CSRP2: variants seen among roughly 807,000 people sequenced by gnomAD.
CSRP2 encodes the protein cysteine and glycine rich protein 2, also known as cysteine and glycine-rich protein 2.
In CSRP2, 18 loss-of-function variants were observed where a neutral mutation model predicts 24.6. The ratio of observed to expected loss-of-function variants is 0.73; its 90% CI spans 0.51 to 1.09. CSRP2 has a LOEUF of 1.09. Among genes scored for constraint, CSRP2 ranks in the 50% least tolerant of loss-of-function variants. CSRP2 has a pLI of 0.00. For synonymous variants in CSRP2, 87 were observed against 84.3 expected (o/e 1.03, Z -0.18); for missense variants, 215 against 239.4 (o/e 0.90, Z 0.67).
chr12:76,877,430 C>G (rs1168846320), intron 1 of CSRP2, among the ~76,000 whole-genome samples: 2 of 152,186 alleles, frequency 1.3e-5, no homozygotes, highest in East Asian at 3.8e-4. Context: ...AACTTTAGAT[C>G]AAATCTGCAA....
chr12:76,864,116 G>A (rs1953711132), intron 2 of CSRP2: 1 of 152,152 alleles, frequency 6.6e-6, no homozygotes, highest in South Asian at 2.1e-4. Flanking sequence ...ATTTCCACGT[G>A]TCCCACTTCA....
intron 1 of CSRP2, among the ~76,000 whole-genome samples, chr12:76,868,132 G>A (rs1348196253): frequency 6.6e-6 from 1 of 152,110 alleles, no homozygotes; most frequent in African/African-American, 2.4e-5. Flanking sequence ...CACTATTCTT[G>A]TTACCAATTT....
At chr12:76,875,224 T>C (rs573600690) in intron 1 of CSRP2, among the ~76,000 whole-genome samples, 91 of 152,294 alleles carry the variant, frequency 6.0e-4, no homozygotes, top group African/African-American at 2.1e-3. Context: ...CCCAAACTGC[T>C]ACTTTCAACC....
rs908302782 is a variant in CSRP2, at chr12:76,862,989, A to C, written c.281+187T>G. 1.9e-5 allele frequency: 27 copies of C among 1,450,050 alleles called. No homozygotes were observed. In the African/African-American group the frequency reaches 3.4e-4, roughly 18 times the overall value. The allele number at this position is 1,450,050 out of a possible 1,614,324, so 89.8% of individuals were successfully genotyped here. On this transcript the variant is annotated intron_variant, in intron 3 of 5. Transcript: ENST00000311083. ...AAAGCCAGAAGTAGAAATCACTGGAATTATTAATAAGAACTTTGTTAGGTC... is the reference window on the plus strand; with the variant it reads ...AAAGCCAGAAGTAGAAATCACTGGACTTATTAATAAGAACTTTGTTAGGTC...
chr12:76,860,384 G>A lies in CSRP2; in HGVS notation c.311C>T (p.Pro104Leu). 2 of 1,613,904 alleles carry A rather than the reference G, an allele frequency of 1.2e-6. No homozygotes were observed. ...SVQPHRPTTN[P>L]NTSKFAQKYG... Reference sequence around the variant, plus strand: ...TTTCTGAGCAAATTTAGAAGTGTTTGGATTTGTTGTAGGCCTGTGAGGCTG... The same window carrying A: ...TTTCTGAGCAAATTTAGAAGTGTTTAGATTTGTTGTAGGCCTGTGAGGCTG... The change falls in exon 4 of 6, where the codon CCA becomes CTA. Residue 104 changes from proline (P) to leucine (L), a missense_variant. Coordinates refer to ENST00000311083, the MANE Select transcript of CSRP2 (RefSeq NM_001321.3).
chr12:76,864,257 A>G (rs1020939580), intron 2 of CSRP2: 1 of 152,236 alleles, frequency 6.6e-6, no homozygotes, highest in Non-Finnish European at 1.5e-5. Flanking sequence ...GAAATCAAAG[A>G]TCAGAATTTC....
intron 1 of CSRP2, among the ~76,000 whole-genome samples, chr12:76,870,529 C>T (rs548944016): frequency 5.0e-4 from 76 of 152,214 alleles, no homozygotes; most frequent in African/African-American, 1.7e-3. Flanking sequence ...TGGTGGGGAC[C>T]ACATCTCTGT....
At chr12:76,874,197 C>G (rs1351164583) in intron 1 of CSRP2, among the ~76,000 whole-genome samples, 1 of 152,172 alleles carries the variant, frequency 6.6e-6, no homozygotes, top group Non-Finnish European at 1.5e-5. Flanking sequence ...CCTGGAACTA[C>G]GTTGAGAAAG....
intron 2 of CSRP2, 86 bp from the exon 3 acceptor site, chr12:76,863,430 A>ATTTGTAGGCC: frequency 7.3e-7 from 1 of 1,361,376 alleles, no homozygotes; most frequent in Non-Finnish European, 1.0e-6. Context: ...ATGGCCTACA[A>ATTTGTAGGCC]ATGGTGAAGG....
chr12:76,860,121 C>G (rs1219236821), intron 4 of CSRP2, among the ~76,000 whole-genome samples, 163 bp downstream of exon 4: 1 of 152,014 alleles, frequency 6.6e-6, no homozygotes, highest in Non-Finnish European at 1.5e-5. Flanking sequence ...AAGGGAATCA[C>G]TTCAAAAAAG....
intron 3 of CSRP2, chr12:76,862,557 A>G (rs969881414): frequency 1.7e-5 from 6 of 343,350 alleles, no homozygotes; most frequent in African/African-American, 1.1e-4. Context: ...GAAAAAAAAA[A>G]GTGTGTGGGG....
intron 1 of CSRP2, among the ~76,000 whole-genome samples, chr12:76,872,322 T>C (rs753203008): frequency 6.6e-6 from 1 of 152,226 alleles, no homozygotes; most frequent in Non-Finnish European, 1.5e-5. Flanking sequence ...ATGGTACAGT[T>C]AGCTCACTCT....
intron 1 of CSRP2, among the ~76,000 whole-genome samples, chr12:76,874,277 G>A (rs960865027): frequency 9.2e-5 from 14 of 152,276 alleles, no homozygotes; most frequent in African/African-American, 1.2e-4. Flanking sequence ...TGGAAATACC[G>A]CAGTACACAT....
At position 76,871,850 on chromosome 12, in the gene CSRP2, A is replaced by C. The variant is rs188818729; in HGVS notation, c.-1-5589T>G. On this transcript the variant is annotated intron_variant, in intron 1 of 5. Transcript: ENST00000311083. ...ATGGACATTTCCTGAATTTGGCTGG[A>C]AGAAGTATGATGATCTTCCATTTCT... 8.1e-3 allele frequency among the ~76,000 whole-genome samples: 1,235 copies of C among 152,034 alleles called. 12 individuals carry two copies. Among genetic ancestry groups the C allele is most frequent in the Non-Finnish European group, 0.013 (864 of 67,960 alleles).
intron 1 of CSRP2, among the ~76,000 whole-genome samples, chr12:76,871,298 T>G (rs1953793961): frequency 6.6e-6 from 1 of 152,214 alleles, no homozygotes; most frequent in Non-Finnish European, 1.5e-5. Flanking sequence ...CTATCCAGCC[T>G]GCTATCAGTA....
chr12:76,866,475 T>G (rs1382730759), intron 1 of CSRP2, among the ~76,000 whole-genome samples: 1 of 150,946 alleles, frequency 6.6e-6, no homozygotes, highest in African/African-American at 2.4e-5. Context: ...GCACAAGATT[T>G]TTTTTTTTTC....
At position 76,865,845 on chromosome 12, in the gene CSRP2, G is replaced by A. The variant is rs954926415; in HGVS notation, c.112+304C>T. On this transcript the variant is annotated intron_variant, in intron 2 of 5. Transcript: ENST00000311083. Reference sequence around the variant, plus strand: ...TGTAATGTGCCAGAAACTGTGCTAGGTGCCAGACCACATAAGTGACACCCA... The same window carrying A: ...TGTAATGTGCCAGAAACTGTGCTAGATGCCAGACCACATAAGTGACACCCA... 1.5e-5 allele frequency: 5 copies of A among 343,626 alleles called. No homozygotes were observed. In the East Asian group the frequency reaches 2.6e-4, roughly 18 times the overall value. 21.3% of individuals were successfully genotyped at this position (343,626 alleles called of 1,614,324 possible). A position where few individuals can be genotyped will look rare whatever the true frequency, so the allele number is the denominator to read the frequency against.
chr12:76,858,892 A>G lies in CSRP2; in HGVS notation c.*60T>C. On this transcript the variant is annotated 3_prime_UTR_variant, in exon 6 of 6. Transcript: ENST00000311083. ...TCACAGTAGTTTAGTGTTAAAGATT[A>G]TCTGTGCCTAGATTATGAAGAGATT... is the stretch of plus-strand genomic sequence containing the variant. 1 of 1,433,196 alleles carries G rather than the reference A, an allele frequency of 7.0e-7. No individual in the cohort carries two copies. Among genetic ancestry groups the G allele is most frequent in the East Asian group, 2.3e-5 (1 of 43,944 alleles). 88.8% of individuals were successfully genotyped at this position (1,433,196 alleles called of 1,614,324 possible).
chr12:76,867,488 G>A (rs918343401), intron 1 of CSRP2, among the ~76,000 whole-genome samples: 1 of 152,098 alleles, frequency 6.6e-6, no homozygotes, highest in Non-Finnish European at 1.5e-5. Flanking sequence ...CAGCCTGGGC[G>A]ACAGAGCGAG....
Sources: allele counts gnomAD v4.1 joint callset (sites outside exome capture counted in the v4.1 genomes callset), GRCh38; gene constraint gnomAD v4.1.1; transcripts MANE v1.5; gene names NCBI Gene and HGNC (gene_info 2026-07-23, HGNC 2026-07-21).